NBEA: variants seen among roughly 807,000 people sequenced by gnomAD.
The protein encoded by NBEA is neurobeachin.
A neutral mutation model predicts 343.4 loss-of-function variants in NBEA; 44 were observed. The ratio of observed to expected loss-of-function variants is 0.13; its 90% CI spans 0.10 to 0.16. The LOEUF (loss-of-function observed/expected upper bound fraction) is 0.16. Among genes scored for constraint, NBEA ranks in the 10% least tolerant of loss-of-function variants. The probability of loss-of-function intolerance (pLI) is 1.00; values close to 1 mark genes in which losing one functional copy is unlikely to be tolerated. For missense variants in NBEA, 2,555 were observed against 3,631.3 expected (o/e 0.70, Z 7.62); for synonymous variants, 1,175 against 1,238.7 (o/e 0.95, Z 1.08).
intron 26 of NBEA, among the ~76,000 whole-genome samples, chr13:35,172,196 TC>T (rs2070515477): frequency 6.6e-6 from 1 of 152,134 alleles, no homozygotes; most frequent in African/African-American, 2.4e-5. Flanking sequence ...TGTCAAAAAT[TC>T]CTTTCTGATT....
intron 1 of NBEA, among the ~76,000 whole-genome samples, chr13:34,989,614 T>G (rs2060679102): frequency 1.3e-5 from 2 of 150,804 alleles, no homozygotes; most frequent in Admixed American, 6.6e-5. Flanking sequence ...GATTACAGTT[T>G]GACATGAGGT....
chr13:35,384,686 G>A (rs968836571), intron 38 of NBEA, among the ~76,000 whole-genome samples: 1 of 151,688 alleles, frequency 6.6e-6, no homozygotes, highest in African/African-American at 2.4e-5. Flanking sequence ...CCATCATGCC[G>A]GGCTAATTTT....
chr13:35,262,356 G>A (rs2033283892), intron 34 of NBEA, among the ~76,000 whole-genome samples: 1 of 152,174 alleles, frequency 6.6e-6, no homozygotes, highest in Admixed American at 6.5e-5. Context: ...TGAAACTTAT[G>A]TTCACACAAA....
rs557501561 is a variant in NBEA at position 35,414,354 on chromosome 13, A to G, written c.6180-17915A>G. Among the ~76,000 whole-genome samples, 3 of 152,156 alleles carry G rather than the reference A, an allele frequency of 2.0e-5. No homozygotes were observed. The East Asian group carries it at 5.8e-4, about 29-fold the overall frequency. ...CGTTAACTCGTCATTTACATTAGGT[A>G]TATCTCCTAATGCTATCCCTCCTCC... On this transcript the variant is annotated intron_variant, in intron 38 of 58. Coordinates refer to ENST00000379939, the MANE Select transcript of NBEA (RefSeq NM_001385012.1).
At chr13:35,054,339 T>C (rs1020435802) in intron 6 of NBEA, among the ~76,000 whole-genome samples, 3 of 152,132 alleles carry the variant, frequency 2.0e-5, no homozygotes, top group African/African-American at 7.2e-5. Flanking sequence ...TTTGACACTC[T>C]TTTTACGGTT....
At chr13:35,362,857 T>G (rs2040888930) in intron 38 of NBEA, among the ~76,000 whole-genome samples, 1 of 151,980 alleles carries the variant, frequency 6.6e-6, no homozygotes, top group African/African-American at 2.4e-5. Context: ...TAAATTAGAA[T>G]GAGGATTATA....
chr13:35,525,670 C>T (rs1243401795), intron 41 of NBEA, among the ~76,000 whole-genome samples: 1 of 152,144 alleles, frequency 6.6e-6, no homozygotes, highest in Non-Finnish European at 1.5e-5. Context: ...TACTTGGTAT[C>T]TTAGTCTTTT....
At chr13:35,649,545 T>C in intron 51 of NBEA, 110 bp from the exon 52 acceptor site, 1 of 892,968 alleles carries the variant, frequency 1.1e-6, no homozygotes, top group Non-Finnish European at 1.7e-6. Context: ...TTTTCCTCCT[T>C]GTGTGTGCTC....
intron 38 of NBEA, among the ~76,000 whole-genome samples, chr13:35,378,601 A>G (rs2041860772): frequency 6.6e-6 from 1 of 152,090 alleles, no homozygotes; most frequent in Non-Finnish European, 1.5e-5. Context: ...AATGGACTAT[A>G]GATCACCACA....
At chr13:35,361,739 C>CAGACTGGGAAAACCAT (rs2040818156) in intron 38 of NBEA, among the ~76,000 whole-genome samples, 1 of 151,976 alleles carries the variant, frequency 6.6e-6, no homozygotes, top group South Asian at 2.1e-4. Context: ...CACATTCCTT[C>CAGACTGGGAAAACCAT]AGACTGGGAA....
intron 35 of NBEA, among the ~76,000 whole-genome samples, chr13:35,308,105 A>G (rs568295888): frequency 6.6e-6 from 1 of 152,046 alleles, no homozygotes; most frequent in Non-Finnish European, 1.5e-5. Context: ...AGAGCAGAGA[A>G]TATTTATATA....
At chr13:35,077,797 T>C (rs758020845) in intron 10 of NBEA, among the ~76,000 whole-genome samples, 1 of 152,168 alleles carries the variant, frequency 6.6e-6, no homozygotes, top group African/African-American at 2.4e-5. Context: ...TGCTTACTTA[T>C]CTTCTCTAGT....
intron 1 of NBEA, among the ~76,000 whole-genome samples, chr13:34,961,349 A>G (rs765787460): frequency 1.3e-5 from 2 of 152,086 alleles, no homozygotes; most frequent in Non-Finnish European, 2.9e-5. Flanking sequence ...AATGTTTAAC[A>G]TACACTCATA....
intron 47 of NBEA, among the ~76,000 whole-genome samples, chr13:35,596,526 T>C (rs2153045410): frequency 6.6e-6 from 1 of 152,298 alleles, no homozygotes; most frequent in East Asian, 1.9e-4. Context: ...AGTCTCTTCC[T>C]GTGCTAATGA....
chr13:35,659,782 A>T (rs1454678902), intron 55 of NBEA, among the ~76,000 whole-genome samples: 1 of 152,222 alleles, frequency 6.6e-6, no homozygotes, highest in Non-Finnish European at 1.5e-5. Context: ...CGTATAAATT[A>T]TCTTGGAGAC....
intron 10 of NBEA, among the ~76,000 whole-genome samples, chr13:35,097,048 A>G (rs986508066): frequency 1.3e-5 from 2 of 151,878 alleles, no homozygotes; most frequent in Admixed American, 6.6e-5. Flanking sequence ...TCTAGATACT[A>G]TATTTTGTCT....
At chr13:35,450,347 C>T (rs2046248774) in intron 39 of NBEA, among the ~76,000 whole-genome samples, 2 of 151,986 alleles carry the variant, frequency 1.3e-5, no homozygotes, top group African/African-American at 4.8e-5. Context: ...AATAGCCAGG[C>T]ATTGTGGTAT....
chr13:35,091,991 G>T (rs867790210), intron 10 of NBEA, among the ~76,000 whole-genome samples: 32 of 151,962 alleles, frequency 2.1e-4, no homozygotes, highest in African/African-American at 7.0e-4. Context: ...AAAGAATAAA[G>T]TTGGAAGAAT....
intron 49 of NBEA, among the ~76,000 whole-genome samples, chr13:35,636,966 A>G (rs2083718037): frequency 6.6e-6 from 1 of 152,204 alleles, no homozygotes; most frequent in African/African-American, 2.4e-5. Context: ...ATCTGCTTAC[A>G]ATGTTTATCT....
Sources: allele counts gnomAD v4.1 joint callset (sites outside exome capture counted in the v4.1 genomes callset), GRCh38; gene constraint gnomAD v4.1.1; transcripts MANE v1.5; gene names NCBI Gene and HGNC (gene_info 2026-07-23, HGNC 2026-07-21).